FAM227B: variants seen among roughly 807,000 people sequenced by gnomAD.
FAM227B encodes protein FAM227B.
A neutral mutation model predicts 73.8 loss-of-function variants in FAM227B; 88 were observed. The observed-to-expected ratio is 1.19, with a 90% confidence interval of 1.00 to 1.42. FAM227B has a LOEUF of 1.42. Among genes scored for constraint, FAM227B ranks in the 40% most tolerant of loss-of-function variants. The probability of loss-of-function intolerance (pLI) is 0.00; values close to 1 mark genes in which losing one functional copy is unlikely to be tolerated. For synonymous variants in FAM227B, 210 were observed against 190.5 expected, an observed-to-expected ratio of 1.10 and a Z score of -0.84; for missense variants, 632 against 590.9, an observed-to-expected ratio of 1.07 and a Z score of -0.72.
At chr15:49,514,989 A>G (rs1354160288) in intron 10 of FAM227B, among the ~76,000 whole-genome samples, 1 of 152,180 alleles carries the variant, frequency 6.6e-6, no homozygotes, top group Non-Finnish European at 1.5e-5. Flanking sequence ...CACGAGCTCC[A>G]GGACAAATTT....
intron 11 of FAM227B, among the ~76,000 whole-genome samples, chr15:49,452,727 G>T (rs1362476808): frequency 2.0e-5 from 3 of 151,962 alleles, no homozygotes; most frequent in African/African-American, 7.3e-5. Flanking sequence ...TTCTTTATTG[G>T]GTGACTGAGA....
intron 12 of FAM227B, among the ~76,000 whole-genome samples, chr15:49,368,313 C>A (rs2045516418): frequency 6.6e-6 from 1 of 152,052 alleles, no homozygotes; most frequent in African/African-American, 2.4e-5. Context: ...TTAAGTTTTC[C>A]TCAATCTTTG....
intron 13 of FAM227B, chr15:49,365,543 C>T: frequency 1.2e-6 from 1 of 866,152 alleles, no homozygotes; most frequent in South Asian, 1.3e-5. Context: ...GGCAATGTTT[C>T]AGTATTTTCA....
At chr15:49,358,400 A>C (rs1254463887) in intron 13 of FAM227B, among the ~76,000 whole-genome samples, 1 of 123,696 alleles carries the variant, frequency 8.1e-6, no homozygotes, top group East Asian at 2.3e-4. Context: ...CTCAGGATAC[A>C]AAATCAATGT....
chr15:49,420,953 G>A (rs1201648835), intron 11 of FAM227B, among the ~76,000 whole-genome samples: 21 of 152,080 alleles, frequency 1.4e-4, no homozygotes, highest in African/African-American at 5.1e-4. Flanking sequence ...TGATCCATCC[G>A]CCTCGGCCTC....
At chr15:49,522,735 T>G (rs2059878159) in intron 10 of FAM227B, among the ~76,000 whole-genome samples, 1 of 151,882 alleles carries the variant, frequency 6.6e-6, no homozygotes, top group Non-Finnish European at 1.5e-5. Context: ...ATACAAAAAT[T>G]AAAAAAAGAA....
intron 11 of FAM227B, among the ~76,000 whole-genome samples, chr15:49,375,689 A>AT (rs999073249): frequency 2.0e-5 from 3 of 152,084 alleles, no homozygotes; most frequent in Non-Finnish European, 2.9e-5. Flanking sequence ...AATGAAAAAC[A>AT]TTTTTTAAAA....
At chr15:49,369,158 C>T (rs1277134737) in intron 12 of FAM227B, among the ~76,000 whole-genome samples, 1 of 151,982 alleles carries the variant, frequency 6.6e-6, no homozygotes, top group Non-Finnish European at 1.5e-5. Context: ...GGGGTATCAC[C>T]GTGTTAGCCA....
chr15:49,463,829 A>G (rs2054018610), intron 11 of FAM227B, among the ~76,000 whole-genome samples: 1 of 152,286 alleles, frequency 6.6e-6, no homozygotes, highest in East Asian at 1.9e-4. Flanking sequence ...GTAAGGGGAA[A>G]ATTGTAAGTA....
At chr15:49,346,165 C>G (rs540614908) in intron 13 of FAM227B, among the ~76,000 whole-genome samples, 2 of 152,000 alleles carry the variant, frequency 1.3e-5, no homozygotes, top group African/African-American at 2.4e-5. Flanking sequence ...AACAACACTT[C>G]CGTTGTTTTT....
At chr15:49,348,074 G>A (rs961023186) in intron 13 of FAM227B, among the ~76,000 whole-genome samples, 5 of 144,834 alleles carry the variant, frequency 3.5e-5, no homozygotes, top group Admixed American at 2.1e-4. Context: ...TGCTTCAAAT[G>A]ATCAGCTTTA....
intron 11 of FAM227B, among the ~76,000 whole-genome samples, chr15:49,482,277 T>C (rs942424924): frequency 8.5e-5 from 13 of 152,086 alleles, no homozygotes; most frequent in African/African-American, 2.9e-4. Flanking sequence ...ACACAGGATT[T>C]AAGGAAGATA....
chr15:49,539,802 T>C (rs2070799843), intron 10 of FAM227B, among the ~76,000 whole-genome samples: 1 of 151,968 alleles, frequency 6.6e-6, no homozygotes, highest in Non-Finnish European at 1.5e-5. Flanking sequence ...GTTTATGGAG[T>C]GGCTGTAGAG....
intron 11 of FAM227B, among the ~76,000 whole-genome samples, chr15:49,472,039 T>C (rs2054830384): frequency 6.7e-6 from 1 of 148,292 alleles, no homozygotes; most frequent in Admixed American, 6.7e-5. Context: ...AAAAAAGCTG[T>C]GAAAGTAAAC....
intron 3 of FAM227B, among the ~76,000 whole-genome samples, chr15:49,597,750 G>C (rs2076964998): frequency 6.6e-6 from 1 of 151,964 alleles, no homozygotes; most frequent in African/African-American, 2.4e-5. Context: ...AAAGAAGAGA[G>C]AAGATCCAAA....
chr15:49,380,382 T>G (rs1343303103), intron 11 of FAM227B, among the ~76,000 whole-genome samples: 1 of 152,166 alleles, frequency 6.6e-6, no homozygotes, highest in Admixed American at 6.5e-5. Context: ...CTGCCATGGC[T>G]TTGCTGGTAC....
chr15:49,464,723 A>C (rs540490160), intron 11 of FAM227B, among the ~76,000 whole-genome samples: 10 of 152,304 alleles, frequency 6.6e-5, no homozygotes, highest in Admixed American at 5.9e-4. Context: ...AAAGTAATGG[A>C]CACTATCAGG....
chr15:49,353,615 T>G (rs920722225), intron 13 of FAM227B: 866 of 54,920 alleles, frequency 0.016, 13 homozygotes, highest in African/African-American at 0.08. Flanking sequence ...AAAATAAGGG[T>G]TTTTTTTTTT....
In FAM227B at chr15:49,576,360, A is replaced by G. The variant is rs970139226; in HGVS notation, c.546+381T>C. The G allele has an allele frequency of 5.1e-5, 8 of 158,342 alleles. No homozygotes were observed. In the East Asian group the frequency reaches 1.5e-3, roughly 30 times the overall value. The allele number at this position is 158,342 out of a possible 1,614,324, so 9.8% of individuals were successfully genotyped here. On this transcript the variant is annotated intron_variant, in intron 7 of 15. Transcript: ENST00000299338. ...ATACTACCCCAAAATTCCCACAGAC[A>G]CTTGAAGACTCAAAAGAAACACCCA...
Sources: gnomAD v4.1 joint callset for allele counts (sites outside exome capture counted in the v4.1 genomes callset) on GRCh38, gnomAD v4.1.1 for gene constraint, MANE v1.5 for transcripts, NCBI Gene and HGNC (gene_info 2026-07-23, HGNC 2026-07-21) for gene names.